MCTP1: variants seen among roughly 807,000 people sequenced by gnomAD.
MCTP1 encodes the protein multiple C2 and transmembrane domain-containing protein 1.
A neutral mutation model predicts 120.6 loss-of-function variants in MCTP1; 69 were observed. The observed-to-expected ratio is 0.57, with a 90% CI of 0.47 to 0.70. MCTP1 has a LOEUF of 0.70. Among genes scored for constraint, MCTP1 ranks in the 30% least tolerant of loss-of-function variants. The pLI is 0.00. For missense variants in MCTP1, 1,203 were observed against 1,248.8 expected (o/e 0.96, Z 0.55); for synonymous variants, 529 against 493.1 (o/e 1.07, Z -0.96).
chr5:95,099,778 T>A (rs1447016833), intron 1 of MCTP1, among the ~76,000 whole-genome samples: 2 of 150,500 alleles, frequency 1.3e-5, no homozygotes, highest in Non-Finnish European at 3.0e-5. Flanking sequence ...ACTGGGTATA[T>A]ACCCAAAGGA....
chr5:95,252,901 G>A (rs184900730), intron 1 of MCTP1, among the ~76,000 whole-genome samples: 1 of 152,178 alleles, frequency 6.6e-6, no homozygotes, highest in Admixed American at 6.5e-5. Context: ...AATTCCCAAG[G>A]ATTAAGCACT....
At chr5:94,715,881 C>G (rs1351173387) in intron 19 of MCTP1, among the ~76,000 whole-genome samples, 1 of 152,186 alleles carries the variant, frequency 6.6e-6, no homozygotes, top group Non-Finnish European at 1.5e-5. Context: ...AACACTTGCA[C>G]ACTATGCCAG....
intron 1 of MCTP1, among the ~76,000 whole-genome samples, chr5:95,276,532 C>T (rs1406340556): frequency 6.7e-6 from 1 of 150,098 alleles, no homozygotes; most frequent in East Asian, 2.1e-4. Context: ...GCTGGGATTA[C>T]AGGCGTGAGC....
intron 10 of MCTP1, among the ~76,000 whole-genome samples, chr5:94,903,143 C>A (rs529085772): frequency 3.2e-5 from 4 of 126,336 alleles, no homozygotes; most frequent in East Asian, 3.9e-4. Context: ...TTCACTCAAT[C>A]ATTAGTAAAA....
intron 1 of MCTP1, among the ~76,000 whole-genome samples, chr5:95,145,825 A>T (rs1760339110): frequency 6.6e-6 from 1 of 152,126 alleles, no homozygotes; most frequent in East Asian, 1.9e-4. Flanking sequence ...GTCTATGTTC[A>T]TCAGGGATAT....
At chr5:94,995,756 T>C (rs915651525) in intron 2 of MCTP1, among the ~76,000 whole-genome samples, 4 of 152,144 alleles carry the variant, frequency 2.6e-5, no homozygotes, top group African/African-American at 9.7e-5. Flanking sequence ...GATTAATAGA[T>C]GCATAAAAAT....
intron 19 of MCTP1, among the ~76,000 whole-genome samples, chr5:94,721,360 C>G (rs1316539857): frequency 6.6e-6 from 1 of 152,168 alleles, no homozygotes; most frequent in East Asian, 1.9e-4. Context: ...TTAATAGCCA[C>G]TTTAAAATCC....
At chr5:94,991,200 A>G (rs543387759) in intron 2 of MCTP1, among the ~76,000 whole-genome samples, 16 of 152,242 alleles carry the variant, frequency 1.1e-4, no homozygotes, top group African/African-American at 3.9e-4. Context: ...ATCTTGTTCA[A>G]TTTTCTGCAT....
intron 1 of MCTP1, among the ~76,000 whole-genome samples, chr5:95,103,874 G>A (rs1297745351): frequency 6.6e-6 from 1 of 152,128 alleles, no homozygotes; most frequent in Non-Finnish European, 1.5e-5. Flanking sequence ...TTCAAATTGT[G>A]GGAGACGGGG....
chr5:95,163,855 T>C (rs1163117146), intron 1 of MCTP1, among the ~76,000 whole-genome samples: 1 of 152,196 alleles, frequency 6.6e-6, no homozygotes, highest in Non-Finnish European at 1.5e-5. Flanking sequence ...TAAATGATGG[T>C]TGAAAATCAC....
chr5:94,927,697 C>T (rs377162375), intron 6 of MCTP1, among the ~76,000 whole-genome samples: 13 of 152,048 alleles, frequency 8.5e-5, no homozygotes, highest in Non-Finnish European at 1.3e-4. Flanking sequence ...GTTTCTCCAC[C>T]GTTAGTTAAA....
intron 1 of MCTP1, among the ~76,000 whole-genome samples, chr5:95,255,436 A>C (rs1261429993): frequency 6.6e-6 from 1 of 152,188 alleles, no homozygotes; most frequent in East Asian, 1.9e-4. Flanking sequence ...TTCATTTCCC[A>C]ATCATATACT....
At chr5:94,776,557 T>A (rs1214706903) in intron 19 of MCTP1, among the ~76,000 whole-genome samples, 1 of 152,180 alleles carries the variant, frequency 6.6e-6, no homozygotes, top group Non-Finnish European at 1.5e-5. Context: ...TTCCAACATA[T>A]GCTTCAGGTT....
intron 17 of MCTP1, among the ~76,000 whole-genome samples, chr5:94,806,325 C>CA (rs906229853): frequency 3.3e-5 from 5 of 152,006 alleles, no homozygotes; most frequent in African/African-American, 1.2e-4. Flanking sequence ...AACAAACAAA[C>CA]AAAAATCTGT....
intron 19 of MCTP1, among the ~76,000 whole-genome samples, chr5:94,732,052 G>C (rs969894789): frequency 2.0e-5 from 3 of 152,168 alleles, no homozygotes; most frequent in African/African-American, 7.2e-5. Flanking sequence ...TGTCCTGTGA[G>C]TTTCATCACT....
At chr5:94,749,685 A>AAAAAAAT (rs1767831819) in intron 19 of MCTP1, among the ~76,000 whole-genome samples, 2 of 140,250 alleles carry the variant, frequency 1.4e-5, no homozygotes, top group Non-Finnish European at 3.1e-5. Flanking sequence ...AAAAAAAAAA[A>AAAAAAAT]ATATCAAGGC....
chr5:95,018,968 C>T (rs973019159), intron 1 of MCTP1, among the ~76,000 whole-genome samples: 1 of 152,014 alleles, frequency 6.6e-6, no homozygotes, highest in Admixed American at 6.6e-5. Flanking sequence ...CTTATGCAAA[C>T]ATAAACACAT....
chr5:95,045,094 A>T (rs1842951757), intron 1 of MCTP1, among the ~76,000 whole-genome samples: 1 of 152,046 alleles, frequency 6.6e-6, no homozygotes, highest in African/African-American at 2.4e-5. Context: ...CCCTCACTAC[A>T]CTAGCCACAT....
At chr5:95,092,591 G>C (rs978803126) in intron 1 of MCTP1, among the ~76,000 whole-genome samples, 3 of 151,772 alleles carry the variant, frequency 2.0e-5, no homozygotes, top group African/African-American at 7.3e-5. Context: ...GCCCTGATTT[G>C]ATCATTACAC....
Sources: allele counts gnomAD v4.1 joint callset (sites outside exome capture counted in the v4.1 genomes callset), GRCh38; gene constraint gnomAD v4.1.1; transcripts MANE v1.5; gene names NCBI Gene and HGNC (gene_info 2026-07-23, HGNC 2026-07-21).